Variants in DOCK1 observed in about 807,000 individuals in gnomAD.
DOCK1 encodes dedicator of cytokinesis protein 1.
A neutral mutation model predicts 262.7 loss-of-function variants in DOCK1; 138 were observed. The ratio of observed to expected loss-of-function variants is 0.53; its 90% CI spans 0.46 to 0.61. The LOEUF is 0.61. Ranked by LOEUF, DOCK1 falls within the 20% of genes least tolerant of loss-of-function variation. The pLI is 0.00. For missense variants in DOCK1, 1,908 were observed against 2,370.7 expected (o/e 0.80, Z 4.05); for synonymous variants, 866 against 867.4 (o/e 1.00, Z 0.03).
At chr10:127,343,293 G>A (rs191237271) in intron 30 of DOCK1, among the ~76,000 whole-genome samples, 7 of 152,222 alleles carry the variant, frequency 4.6e-5, no homozygotes, top group East Asian at 3.9e-4. Context: ...GCTCTGTACC[G>A]CCTTAAATTC....
chr10:127,248,066 C>A lies in DOCK1; in HGVS notation c.2906C>A (p.Ala969Asp). 6.2e-7 allele frequency: 1 copy of A among 1,613,942 alleles called. No individual in the cohort carries two copies. Among genetic ancestry groups the A allele is most frequent in the South Asian group, 1.1e-5 (1 of 91,058 alleles). The change falls in exon 28 of 52, where the codon GCC (alanine) becomes GAC (aspartate). Residue 969 changes from alanine to aspartate, a missense_variant. By Grantham distance (126) the Ala-to-Asp change is moderately radical (BLOSUM62 -2). Around this residue, in one of 9 missense-constraint regions of DOCK1, gnomAD observed 518 missense variants for 575.1 expected, o/e 0.90. Transcript: ENST00000623213. Reference sequence around the variant, plus strand: ...CGACAAATGGAAGATTACCATTATGCCCACTTGATCAAGACTTTTGGGAAA... The same window carrying A: ...CGACAAATGGAAGATTACCATTATGACCACTTGATCAAGACTTTTGGGAAA... ...ILRQMEDYHYAHLIKTFGKMR... is the reference protein window; with the variant it reads ...ILRQMEDYHYDHLIKTFGKMR...
chr10:127,126,253 C>T (rs900150090), intron 26 of DOCK1, among the ~76,000 whole-genome samples: 3 of 152,050 alleles, frequency 2.0e-5, no homozygotes, highest in Non-Finnish European at 4.4e-5. Context: ...TGCCACCATG[C>T]CCAGCTAATT....
At chr10:127,378,641 G>A (rs1006817399) in intron 35 of DOCK1, among the ~76,000 whole-genome samples, 1 of 152,210 alleles carries the variant, frequency 6.6e-6, no homozygotes, top group Non-Finnish European at 1.5e-5. Context: ...TGATATTCCC[G>A]TTGTGAAATT....
At chr10:126,946,422 C>T (rs2035409920) in intron 1 of DOCK1, among the ~76,000 whole-genome samples, 2 of 152,098 alleles carry the variant, frequency 1.3e-5, no homozygotes, top group African/African-American at 4.8e-5. Context: ...TGGCGGGCAC[C>T]TGTAATCCCA....
At chr10:127,293,517 G>A (rs139481961) in intron 29 of DOCK1, among the ~76,000 whole-genome samples, 12 of 152,288 alleles carry the variant, frequency 7.9e-5, no homozygotes, top group Non-Finnish European at 1.2e-4. Context: ...CCTTCCCAGC[G>A]AGCACTGTGA....
At chr10:127,429,023 C>CCGTGTGGATTGGGGTGA (rs2069082383) in intron 47 of DOCK1, among the ~76,000 whole-genome samples, 1 of 131,610 alleles carries the variant, frequency 7.6e-6, no homozygotes, top group Admixed American at 7.6e-5. Flanking sequence ...GATTGGGGTG[C>CCGTGTGGATTGGGGTGA]CGTGTGGATT....
chr10:127,360,662 G>C (rs60277328), intron 32 of DOCK1, among the ~76,000 whole-genome samples: 2,345 of 152,276 alleles, frequency 0.015, 64 homozygotes, highest in African/African-American at 0.053. Context: ...TTGCAATTAG[G>C]GGGGACAAAT....
chr10:127,408,460 C>T (rs1039319415), intron 40 of DOCK1, among the ~76,000 whole-genome samples: 10 of 152,218 alleles, frequency 6.6e-5, no homozygotes, highest in African/African-American at 9.6e-5. Context: ...TAGTAGCTCT[C>T]GGCTCTGGTC....
At chr10:127,211,387 A>G (rs2057965995) in intron 27 of DOCK1, among the ~76,000 whole-genome samples, 2 of 152,182 alleles carry the variant, frequency 1.3e-5, no homozygotes, top group Non-Finnish European at 2.9e-5. Flanking sequence ...CCTGATAAGC[A>G]TGCTCCTAAT....
chr10:127,391,410 A>G (rs2066471238), intron 38 of DOCK1, among the ~76,000 whole-genome samples: 1 of 152,234 alleles, frequency 6.6e-6, no homozygotes, highest in Admixed American at 6.5e-5. Context: ...AGAAATCAAG[A>G]AAAAGCAGCA....
chr10:127,202,288 A>G (rs2057499979), intron 27 of DOCK1, among the ~76,000 whole-genome samples: 1 of 151,702 alleles, frequency 6.6e-6, no homozygotes, highest in African/African-American at 2.4e-5. Flanking sequence ...GCGCCATGGC[A>G]TTCCAGCCTG....
rs771266819 is a variant in DOCK1, at chr10:127,069,628, G to A, written c.2445+7852G>A. On this transcript the variant is annotated intron_variant, in intron 23 of 51. Coordinates refer to ENST00000623213, the MANE Select transcript of DOCK1 (RefSeq NM_001290223.2). ...TCATCATTCGTGGGGACACAGATGC[G>A]GTGGTTTGAATGAGGACCGTCTAGG... Among the ~76,000 whole-genome samples, 8 of 152,132 alleles carry A rather than the reference G, an allele frequency of 5.3e-5. No homozygotes were observed. In the East Asian group the frequency reaches 1.4e-3, roughly 26 times the overall value.
At chr10:127,362,492 G>C (rs2064517468) in intron 33 of DOCK1, among the ~76,000 whole-genome samples, 2 of 152,198 alleles carry the variant, frequency 1.3e-5, no homozygotes, top group Middle Eastern at 3.4e-3. Context: ...AAAGTCTCTT[G>C]CTCCCACTTC....
chr10:127,170,235 CT>C (rs2054440336), intron 27 of DOCK1, among the ~76,000 whole-genome samples: 1 of 152,166 alleles, frequency 6.6e-6, no homozygotes, highest in Non-Finnish European at 1.5e-5. Context: ...TAATCATACT[CT>C]TGCCTTTGCT....
chr10:127,091,177 G>T (rs978134623), intron 23 of DOCK1, among the ~76,000 whole-genome samples: 4 of 152,028 alleles, frequency 2.6e-5, no homozygotes, highest in East Asian at 1.9e-4. Flanking sequence ...TAGAGACGGG[G>T]TTTCACCATG....
intron 35 of DOCK1, among the ~76,000 whole-genome samples, chr10:127,374,468 A>G (rs370739470): frequency 6.6e-6 from 1 of 152,176 alleles, no homozygotes; most frequent in Non-Finnish European, 1.5e-5. Flanking sequence ...GACTCACCGT[A>G]TCTTGCAGCC....
At chr10:127,265,740 T>C (rs2135115733) in intron 29 of DOCK1, among the ~76,000 whole-genome samples, 1 of 152,344 alleles carries the variant, frequency 6.6e-6, no homozygotes, top group African/African-American at 2.4e-5. Context: ...CTTATAAGTA[T>C]TATCTACCAG....
chr10:126,963,621 T>C (rs2037412759), intron 1 of DOCK1, among the ~76,000 whole-genome samples: 1 of 62,000 alleles, frequency 1.6e-5, no homozygotes, highest in African/African-American at 8.3e-5. Flanking sequence ...TTCCCTTCCC[T>C]TCCCTTCCCT....
intron 27 of DOCK1, among the ~76,000 whole-genome samples, chr10:127,213,441 A>C (rs773168700): frequency 6.6e-6 from 1 of 152,182 alleles, no homozygotes; most frequent in Non-Finnish European, 1.5e-5. Context: ...TGGAATTTAC[A>C]TGGTTTGGAA....
Sources: allele counts gnomAD v4.1 joint callset (sites outside exome capture counted in the v4.1 genomes callset), GRCh38; gene constraint gnomAD v4.1.1; regional missense constraint gnomAD v4.1.1; transcripts MANE v1.5; gene names NCBI Gene and HGNC (gene_info 2026-07-23, HGNC 2026-07-21).